The following DCLK1 variants were observed in gnomAD, a reference collection of about 807,000 sequenced individuals.
DCLK1 encodes the protein doublecortin like kinase 1, also known as serine/threonine-protein kinase DCLK1.
In DCLK1, 16 loss-of-function variants were observed where a neutral mutation model predicts 86.2. The observed-to-expected ratio is 0.19, with a 90% CI of 0.13 to 0.28. The LOEUF is 0.28. Among genes scored for constraint, DCLK1 ranks in the 10% least tolerant of loss-of-function variants. The probability of loss-of-function intolerance (pLI) is 1.00; values close to 1 mark genes in which losing one functional copy is unlikely to be tolerated. For missense variants in DCLK1, 590 were observed against 940.2 expected (o/e 0.63, Z 4.87); for synonymous variants, 369 against 370.5 (o/e 1.00, Z 0.05).
chr13:36,049,431 C>T (rs1405125122), intron 3 of DCLK1, among the ~76,000 whole-genome samples: 1 of 152,146 alleles, frequency 6.6e-6, no homozygotes, highest in African/African-American at 2.4e-5. Context: ...TAGATCCCTT[C>T]CATTAAAGTA....
chr13:36,020,346 G>C (rs1881722564), intron 3 of DCLK1, among the ~76,000 whole-genome samples: 5 of 152,098 alleles, frequency 3.3e-5, no homozygotes, highest in Admixed American at 3.3e-4. Flanking sequence ...TGATAAAGAA[G>C]CACTTCTGGA....
chr13:36,095,757 A>C (rs1030069843), intron 3 of DCLK1, among the ~76,000 whole-genome samples: 5 of 108,674 alleles, frequency 4.6e-5, no homozygotes, highest in African/African-American at 1.4e-4. Flanking sequence ...ATATGGCCAT[A>C]GCAGTCATAA....
At chr13:35,990,729 C>T (rs1490262928) in intron 3 of DCLK1, among the ~76,000 whole-genome samples, 1 of 152,004 alleles carries the variant, frequency 6.6e-6, no homozygotes, top group Non-Finnish European at 1.5e-5. Flanking sequence ...TTTCCAAGCT[C>T]ATTTTGAACT....
chr13:35,871,926 C>T (rs1305302760), intron 4 of DCLK1, among the ~76,000 whole-genome samples: 2 of 152,194 alleles, frequency 1.3e-5, no homozygotes, highest in African/African-American at 4.8e-5. Context: ...CCTGTGCCAC[C>T]ACATGAAGCT....
At chr13:35,979,054 C>T (rs1422259252) in intron 3 of DCLK1, among the ~76,000 whole-genome samples, 1 of 152,164 alleles carries the variant, frequency 6.6e-6, no homozygotes, top group Non-Finnish European at 1.5e-5. Flanking sequence ...GAAACCTGAG[C>T]TCTGCAGAGG....
intron 3 of DCLK1, among the ~76,000 whole-genome samples, chr13:35,974,386 C>T (rs912033669): frequency 1.3e-5 from 2 of 152,186 alleles, no homozygotes; most frequent in Non-Finnish European, 2.9e-5. Flanking sequence ...CGTGTAAGGA[C>T]ACAAGGGGAG....
At chr13:35,828,390 C>T in intron 8 of DCLK1, 83 bp from the exon 9 acceptor site, 11 of 1,081,704 alleles carry the variant, frequency 1.0e-5, no homozygotes, top group Admixed American at 2.2e-5. Flanking sequence ...AATTTCCTAC[C>T]CCATAGATCT....
chr13:35,936,869 A>G (rs1039352348), intron 4 of DCLK1, among the ~76,000 whole-genome samples: 2 of 152,164 alleles, frequency 1.3e-5, no homozygotes, highest in African/African-American at 2.4e-5. Context: ...CAAAGCTGGA[A>G]GAAACTGAAT....
In DCLK1 at chr13:36,061,169, C is replaced by G. The variant is rs191301500; in HGVS notation, c.723+50700G>C. 2.2e-4 allele frequency among the ~76,000 whole-genome samples: 33 copies of G among 152,218 alleles called. 1 individual carries two copies. The highest frequency in any genetic ancestry group is 2.0e-3 in the Admixed American group (31 of 15,292). On this transcript the variant is annotated intron_variant, in intron 3 of 16. Transcript: ENST00000360631. ...TGGATAGAATTCTTAAAACTGCAAT[C>G]AGCCGGGCACAAAAACAGTGCATTT...
chr13:36,131,727 G>T (rs1886367404), upstream of DCLK1, among the ~76,000 whole-genome samples: 1 of 152,202 alleles, frequency 6.6e-6, no homozygotes, highest in Admixed American at 6.5e-5. Context: ...GAGAGATGAG[G>T]CCCCCACCGT....
At chr13:35,818,880 C>T (rs1465529096) in intron 11 of DCLK1, among the ~76,000 whole-genome samples, 3 of 151,910 alleles carry the variant, frequency 2.0e-5, no homozygotes, top group South Asian at 2.1e-4. Flanking sequence ...CACACATACA[C>T]GCATACATAC....
rs185019661 is a variant in DCLK1 at position 35,984,476 on chromosome 13, C to T, written c.724-37019G>A. Among the ~76,000 whole-genome samples the T allele has an allele frequency of 5.5e-3, 834 of 152,318 alleles. 6 individuals are homozygous for T. The highest frequency in any genetic ancestry group is 0.019 in the African/African-American group (795 of 41,574). On this transcript the variant is annotated intron_variant, in intron 3 of 16. Coordinates refer to ENST00000360631, the MANE Select transcript of DCLK1 (RefSeq NM_001330071.2). ...TGCAGTGGGTGAGGGAGCAATTCAT[C>T]TCCTCTCCAGGATGGGGCTGTTGAG...
At chr13:36,036,607 G>C (rs1265383172) in intron 3 of DCLK1, among the ~76,000 whole-genome samples, 1 of 152,106 alleles carries the variant, frequency 6.6e-6, no homozygotes, top group Non-Finnish European at 1.5e-5. Flanking sequence ...ATATATGTGT[G>C]TGTATGTGTA....
intron 10 of DCLK1, among the ~76,000 whole-genome samples, chr13:35,826,535 A>AGG (rs1418830646): frequency 2.1e-4 from 7 of 33,724 alleles, no homozygotes; most frequent in Non-Finnish European, 4.5e-4. Flanking sequence ...AAAAAAAAAA[A>AGG]AAAAAAAGAA....
At chr13:35,933,487 T>C (rs1876574512) in intron 4 of DCLK1, among the ~76,000 whole-genome samples, 1 of 152,234 alleles carries the variant, frequency 6.6e-6, no homozygotes, top group Admixed American at 6.5e-5. Context: ...TGCCTGGGCA[T>C]CCAGGCATTT....
intron 3 of DCLK1, among the ~76,000 whole-genome samples, chr13:36,014,471 T>C (rs953067563): frequency 6.6e-6 from 1 of 152,216 alleles, no homozygotes; most frequent in African/African-American, 2.4e-5. Context: ...TTCTCATACC[T>C]AAAATGCTTA....
chr13:36,019,459 G>A lies in DCLK1; in HGVS notation c.724-72002C>T, dbSNP rs75136774. On this transcript the variant is annotated intron_variant, in intron 3 of 16. Transcript: ENST00000360631. ...GTCTTATCAAAAGTATTGTCAGCCT[G>A]TTTCTTCACTTACTACACAGCACAG... Among the ~76,000 whole-genome samples, 74 of 152,274 alleles carry A rather than the reference G, an allele frequency of 4.9e-4. 3 individuals are homozygous for A. The East Asian group carries it at 0.012, about 25-fold the overall frequency.
chr13:35,858,601 G>A (rs1008695925), intron 5 of DCLK1, among the ~76,000 whole-genome samples: 1 of 152,104 alleles, frequency 6.6e-6, no homozygotes, highest in African/African-American at 2.4e-5. Context: ...AGGATGCCTA[G>A]GCTTCTCTCT....
chr13:35,971,275 G>C (rs1879045639), intron 3 of DCLK1, among the ~76,000 whole-genome samples: 1 of 152,156 alleles, frequency 6.6e-6, no homozygotes, highest in Admixed American at 6.5e-5. Context: ...CTGAAGCACT[G>C]AAAAAGAAGA....
Sources: gnomAD v4.1 joint callset for allele counts (sites outside exome capture counted in the v4.1 genomes callset) on GRCh38, gnomAD v4.1.1 for gene constraint, MANE v1.5 for transcripts, NCBI Gene and HGNC (gene_info 2026-07-23, HGNC 2026-07-21) for gene names.